The following GPHN variants were observed in gnomAD, a reference collection of about 807,000 sequenced individuals.
GPHN encodes gephyrin.
In GPHN, 17 loss-of-function variants were observed where a neutral mutation model predicts 95.5. The ratio of observed to expected loss-of-function variants is 0.18; its 90% CI spans 0.12 to 0.27. GPHN has a LOEUF of 0.27. Among genes scored for constraint, GPHN ranks in the 10% least tolerant of loss-of-function variants. The pLI is 1.00. For missense variants in GPHN, 660 were observed against 978.1 expected, an observed-to-expected ratio of 0.67 and a Z score of 4.34; for synonymous variants, 320 against 322.5, an observed-to-expected ratio of 0.99 and a Z score of 0.08.
intron 4 of GPHN, among the ~76,000 whole-genome samples, chr14:66,868,972 C>A (rs1221471917): frequency 6.6e-6 from 1 of 152,026 alleles, no homozygotes; most frequent in Non-Finnish European, 1.5e-5. Context: ...ATTTAGACGT[C>A]AAAGATAAAT....
the GPHN span, chr14:67,619,848 T>C: frequency 1.6e-6 from 1 of 618,324 alleles, no homozygotes; most frequent in East Asian, 3.3e-5. Flanking sequence ...GCGGGGCCAA[T>C]GTGGCGGTGA....
chr14:66,763,806 C>T (rs1446370846), intron 2 of GPHN, among the ~76,000 whole-genome samples: 2 of 152,072 alleles, frequency 1.3e-5, no homozygotes, highest in African/African-American at 4.8e-5. Flanking sequence ...GTGAGCAAAA[C>T]TTCATCTGTA....
At chr14:67,445,544 A>G in the GPHN span, among the ~76,000 whole-genome samples, 5 of 143,426 alleles carry the variant, frequency 3.5e-5, no homozygotes, top group African/African-American at 1.2e-4. Context: ...AATTCCCAAG[A>G]AACAGCCTCA....
intron 1 of GPHN, among the ~76,000 whole-genome samples, chr14:66,529,189 T>G (rs1039699345): frequency 1.1e-4 from 16 of 152,078 alleles, no homozygotes; most frequent in Non-Finnish European, 2.1e-4. Context: ...TCTAATCTTG[T>G]CTTCATGTTT....
At chr14:67,428,944 G>T in the GPHN span, among the ~76,000 whole-genome samples, 91 of 152,190 alleles carry the variant, frequency 6.0e-4, no homozygotes, top group Non-Finnish European at 5.1e-4. Flanking sequence ...CATCTGATTA[G>T]CTGGTGTTGG....
chr14:67,650,630 C>A, the GPHN span: 1 of 1,290,536 alleles, frequency 7.7e-7, no homozygotes, highest in Non-Finnish European at 1.1e-6. Context: ...TTTACTTTGG[C>A]TTGTTCTCCC....
the GPHN span, chr14:67,200,589 C>T: frequency 2.3e-5 from 5 of 220,574 alleles, no homozygotes; most frequent in East Asian, 1.7e-4. Context: ...TCCATTAACA[C>T]GTTCTCTGCA....
At chr14:67,569,090 GA>G in the GPHN span, 1 of 1,289,824 alleles carries the variant, frequency 7.8e-7, no homozygotes, top group Non-Finnish European at 1.1e-6. Flanking sequence ...GAGGGGGTGG[GA>G]TGGGCATCAT....
the GPHN span, among the ~76,000 whole-genome samples, chr14:67,432,457 C>G: frequency 6.6e-6 from 1 of 152,224 alleles, no homozygotes; most frequent in Non-Finnish European, 1.5e-5. Flanking sequence ...AAAAATATCT[C>G]CTGTCTTGAG....
chr14:67,187,758 C>G, the GPHN span, among the ~76,000 whole-genome samples: 1 of 152,130 alleles, frequency 6.6e-6, no homozygotes, highest in Non-Finnish European at 1.5e-5. Context: ...GCCTCTGTGC[C>G]TTTGCTCAGA....
chr14:67,663,006 T>C, the GPHN span: 1 of 1,411,922 alleles, frequency 7.1e-7, no homozygotes, highest in Non-Finnish European at 9.2e-7. Context: ...ACTACTTTTC[T>C]GCAAAATAAA....
chr14:67,381,477 GGT>G, the GPHN span: 2 of 709,550 alleles, frequency 2.8e-6, no homozygotes, highest in East Asian at 5.3e-5. Context: ...AGTATAGAGA[GGT>G]TGGATTCAGT....
the GPHN span, among the ~76,000 whole-genome samples, chr14:67,612,389 G>A: frequency 6.6e-6 from 1 of 152,146 alleles, no homozygotes; most frequent in South Asian, 2.1e-4. Context: ...GAAAATGGTG[G>A]GCATTTTCTT....
chr14:67,675,957 C>T, the GPHN span, among the ~76,000 whole-genome samples: 1 of 152,024 alleles, frequency 6.6e-6, no homozygotes, highest in African/African-American at 2.4e-5. Flanking sequence ...ATTAGCCAAG[C>T]GTGGTGGTGG....
At chr14:67,525,349 T>C in the GPHN span, among the ~76,000 whole-genome samples, 1 of 152,248 alleles carries the variant, frequency 6.6e-6, no homozygotes, top group Non-Finnish European at 1.5e-5. Flanking sequence ...TCAATAAATA[T>C]AATTCTTCAT....
Position 67,165,256 on chromosome 14 carries a change from T to C in GPHN, c.1975+30T>C, listed in dbSNP as rs888035800. ...GAATAACAAATTGTTTCCTTTCCTTTTTCTGGAAAAATAGCCAAAATTTTT... is the reference window on the plus strand; with the variant it reads ...GAATAACAAATTGTTTCCTTTCCTTCTTCTGGAAAAATAGCCAAAATTTTT... On this transcript the variant is annotated intron_variant, in intron 20 of 22. Transcript: ENST00000478722. 1.9e-6 allele frequency: 3 copies of C among 1,538,966 alleles called. No homozygotes were observed. In the African/African-American group the frequency reaches 4.1e-5, roughly 21 times the overall value.
At chr14:67,573,337 G>A in the GPHN span, 1 of 1,613,842 alleles carries the variant, frequency 6.2e-7, no homozygotes, top group Non-Finnish European at 8.5e-7. This position sits in a 1 kb window ranked among gnomAD's most constrained non-coding sequence, Gnocchi z 4.8. Flanking sequence ...ACGTGGAAGA[G>A]GCGCTGGTTT....
the GPHN span, among the ~76,000 whole-genome samples, chr14:67,318,185 T>G: frequency 6.6e-6 from 1 of 152,236 alleles, no homozygotes; most frequent in African/African-American, 2.4e-5. Flanking sequence ...GCTTTCCTTC[T>G]TATGTAATTT....
the GPHN span, among the ~76,000 whole-genome samples, chr14:67,416,685 A>C: frequency 1.3e-5 from 2 of 152,398 alleles, no homozygotes; most frequent in South Asian, 4.1e-4. Flanking sequence ...GTCCGTGTAC[A>C]AAGCACGGAC....
Sources: allele counts gnomAD v4.1 joint callset (sites outside exome capture counted in the v4.1 genomes callset), GRCh38; gene constraint gnomAD v4.1.1; non-coding constraint Gnocchi (gnomAD v3.1); transcripts MANE v1.5; gene names NCBI Gene and HGNC (gene_info 2026-07-23, HGNC 2026-07-21).